The following PCDH15 variants were observed in gnomAD, a reference collection of about 807,000 sequenced individuals.
PCDH15 encodes protocadherin-15.
A neutral mutation model predicts 178.5 loss-of-function variants in PCDH15; 129 were observed. That is an observed-to-expected ratio of 0.72 (90% confidence interval 0.63 to 0.84). The LOEUF is 0.84. Among genes scored for constraint, PCDH15 ranks in the 40% least tolerant of loss-of-function variants. The pLI is 0.00. For synonymous variants in PCDH15, 800 were observed against 732.0 expected, an observed-to-expected ratio of 1.09 and a Z score of -1.50; for missense variants, 2,230 against 2,099.9, an observed-to-expected ratio of 1.06 and a Z score of -1.21.
chr10:54,226,511 T>C (rs1564729532), intron 9 of PCDH15, among the ~76,000 whole-genome samples: 1 of 152,076 alleles, frequency 6.6e-6, no homozygotes, highest in Non-Finnish European at 1.5e-5. Flanking sequence ...CCAGCATGCA[T>C]AGCATAGTGA....
intron 2 of PCDH15, among the ~76,000 whole-genome samples, chr10:54,932,156 T>G (rs1163544360): frequency 6.6e-6 from 1 of 152,324 alleles, no homozygotes; most frequent in South Asian, 2.1e-4. Flanking sequence ...AACTGTAAAA[T>G]AGGCTCACGC....
At chr10:53,870,817 C>T (rs954984104) in intron 26 of PCDH15, among the ~76,000 whole-genome samples, 6 of 152,048 alleles carry the variant, frequency 3.9e-5, no homozygotes, top group Middle Eastern at 3.2e-3. Context: ...TAACAGGATA[C>T]GATATCTTTA....
intron 2 of PCDH15, among the ~76,000 whole-genome samples, chr10:55,008,102 G>A (rs984233377): frequency 3.9e-5 from 6 of 152,046 alleles, no homozygotes; most frequent in Non-Finnish European, 7.4e-5. Context: ...ATATTTGAAA[G>A]TCTATGTCTG....
At chr10:55,520,752 T>G (rs911995326) in intron 2 of PCDH15, among the ~76,000 whole-genome samples, 6 of 151,774 alleles carry the variant, frequency 4.0e-5, no homozygotes, top group Admixed American at 1.3e-4. Flanking sequence ...ATTCTATAAA[T>G]GAATAAGAGA....
chr10:53,913,606 T>C (rs1412356003), intron 25 of PCDH15, among the ~76,000 whole-genome samples: 2 of 150,442 alleles, frequency 1.3e-5, no homozygotes, highest in South Asian at 2.1e-4. Context: ...TAGCTGGGCA[T>C]TGTGGTGGGC....
At chr10:54,076,899 CATCT>C (rs1447978681) in intron 17 of PCDH15, among the ~76,000 whole-genome samples, 3 of 152,032 alleles carry the variant, frequency 2.0e-5, no homozygotes, top group Non-Finnish European at 2.9e-5. Flanking sequence ...AAATTCCATC[CATCT>C]GTCTGTGTTT....
intron 18 of PCDH15, among the ~76,000 whole-genome samples, chr10:54,054,304 T>C (rs2093837645): frequency 6.6e-6 from 1 of 152,074 alleles, no homozygotes; most frequent in South Asian, 2.1e-4. Context: ...ACTTAGATGA[T>C]ACTTTCAAAA....
chr10:54,117,380 A>T (rs192178917), intron 15 of PCDH15, among the ~76,000 whole-genome samples: 2 of 152,276 alleles, frequency 1.3e-5, no homozygotes, highest in African/African-American at 4.8e-5. Context: ...CAGGAACTGC[A>T]GAACCCCAAG....
intron 2 of PCDH15, among the ~76,000 whole-genome samples, chr10:55,531,908 A>G (rs1381658873): frequency 1.3e-5 from 2 of 152,066 alleles, no homozygotes; most frequent in Non-Finnish European, 2.9e-5. Flanking sequence ...ATATTGAAAG[A>G]AAAATCCTTA....
intron 2 of PCDH15, among the ~76,000 whole-genome samples, chr10:54,649,466 T>G (rs1006482455): frequency 2.0e-5 from 3 of 152,154 alleles, no homozygotes; most frequent in African/African-American, 7.2e-5. Flanking sequence ...TACAACCACA[T>G]AAAATATTGA....
intron 13 of PCDH15, among the ~76,000 whole-genome samples, chr10:54,155,275 G>A (rs775355179): frequency 3.9e-5 from 6 of 152,028 alleles, no homozygotes; most frequent in African/African-American, 4.8e-5. Context: ...CATTGAAGAA[G>A]GTACCCACCT....
In PCDH15 at chr10:54,033,538, C is replaced by T. The variant is rs536306023; in HGVS notation, c.2221-10341G>A. Among the ~76,000 whole-genome samples, 3 of 152,002 alleles carry T rather than the reference C, an allele frequency of 2.0e-5. No individual in the cohort carries two copies. The South Asian group carries it at 6.2e-4, about 31-fold the overall frequency. On this transcript the variant is annotated intron_variant, in intron 18 of 37. Transcript: ENST00000644397. ...CTTTCAGCACTCATTACAGTGGCATCACTTTCTAAAATGTCTGTCCATATT... is the reference window on the plus strand; with the variant it reads ...CTTTCAGCACTCATTACAGTGGCATTACTTTCTAAAATGTCTGTCCATATT...
intron 2 of PCDH15, among the ~76,000 whole-genome samples, chr10:55,327,529 A>C (rs563339687): frequency 2.6e-5 from 4 of 152,204 alleles, no homozygotes; most frequent in Non-Finnish European, 5.9e-5. Flanking sequence ...TCACACATTA[A>C]TTCTTGGCAA....
chr10:55,454,097 A>T (rs540180171), intron 2 of PCDH15, among the ~76,000 whole-genome samples: 15 of 152,110 alleles, frequency 9.9e-5, no homozygotes, highest in Non-Finnish European at 1.8e-4. Context: ...ACATAGAAAG[A>T]TATTATGGAT....
chr10:55,187,240 T>A (rs1033813854), intron 1 of PCDH15, among the ~76,000 whole-genome samples: 1 of 151,992 alleles, frequency 6.6e-6, no homozygotes, highest in Non-Finnish European at 1.5e-5. Flanking sequence ...CCCAAACAAA[T>A]ACTATTACAT....
intron 2 of PCDH15, among the ~76,000 whole-genome samples, chr10:55,331,843 A>G (rs1478084314): frequency 2.0e-5 from 3 of 152,136 alleles, no homozygotes; most frequent in East Asian, 1.9e-4. Flanking sequence ...TACATCTTCA[A>G]TAGTGTAAAT....
intron 2 of PCDH15, among the ~76,000 whole-genome samples, chr10:55,454,924 T>C (rs1190480474): frequency 6.6e-6 from 1 of 151,662 alleles, no homozygotes; most frequent in African/African-American, 2.4e-5. Context: ...AGAGTATATA[T>C]AAATAAATAT....
intron 2 of PCDH15, among the ~76,000 whole-genome samples, chr10:55,569,429 C>A (rs1169053818): frequency 6.6e-6 from 1 of 151,752 alleles, no homozygotes; most frequent in Non-Finnish European, 1.5e-5. Context: ...ACTTCTAGGA[C>A]AACAAAGGGC....
At chr10:55,329,685 G>T (rs1270778841) in intron 2 of PCDH15, among the ~76,000 whole-genome samples, 1 of 151,740 alleles carries the variant, frequency 6.6e-6, no homozygotes, top group East Asian at 1.9e-4. Context: ...TATAGAGAGT[G>T]GGGAAGTCTC....
Sources: gnomAD v4.1 joint callset for allele counts (sites outside exome capture counted in the v4.1 genomes callset) on GRCh38, gnomAD v4.1.1 for gene constraint, MANE v1.5 for transcripts, NCBI Gene and HGNC (gene_info 2026-07-23, HGNC 2026-07-21) for gene names.